The following NTM variants were observed in gnomAD, a reference collection of about 807,000 sequenced individuals.
NTM encodes neurotrimin.
In NTM, 13 loss-of-function variants were observed where a neutral mutation model predicts 42.1. The ratio of observed to expected loss-of-function variants is 0.31; its 90% confidence interval spans 0.20 to 0.49. The LOEUF (loss-of-function observed/expected upper bound fraction) is 0.49, where lower values mean the gene tolerates loss of function less well. Ranked by LOEUF, NTM falls within the 20% of genes least tolerant of loss-of-function variation. The pLI is 0.99. For synonymous variants in NTM, 187 were observed against 179.2 expected (o/e 1.04, Z -0.35); for missense variants, 373 against 452.8 (o/e 0.82, Z 1.60).
chr11:131,530,856 G>C (rs1218740441), intron 1 of NTM, among the ~76,000 whole-genome samples: 2 of 152,098 alleles, frequency 1.3e-5, no homozygotes, highest in Non-Finnish European at 2.9e-5. Flanking sequence ...TTACTTATCA[G>C]AAAAAAATAC....
At chr11:132,082,043 A>G (rs2059134962) in intron 2 of NTM, among the ~76,000 whole-genome samples, 1 of 144,880 alleles carries the variant, frequency 6.9e-6, no homozygotes, top group Non-Finnish European at 1.5e-5. Context: ...AAATTCATGG[A>G]AAAATGGAAT....
intron 1 of NTM, among the ~76,000 whole-genome samples, chr11:131,557,371 C>T (rs1032385446): frequency 6.6e-6 from 1 of 152,166 alleles, no homozygotes; most frequent in Admixed American, 6.5e-5. Context: ...AGACACTTGA[C>T]ATTTTGTACT....
chr11:131,758,896 G>A (rs1197618089), intron 1 of NTM, among the ~76,000 whole-genome samples: 1 of 152,036 alleles, frequency 6.6e-6, no homozygotes, highest in Non-Finnish European at 1.5e-5. Context: ...CCAGCCGTCT[G>A]CATATTTTCT....
At chr11:131,878,368 C>G (rs564878028) in intron 1 of NTM, among the ~76,000 whole-genome samples, 4 of 151,356 alleles carry the variant, frequency 2.6e-5, no homozygotes, top group Admixed American at 2.6e-4. Context: ...GTCAGGAGTT[C>G]GAGACCAGCC....
chr11:132,148,664 C>A (rs2071135757), intron 3 of NTM, among the ~76,000 whole-genome samples: 1 of 152,168 alleles, frequency 6.6e-6, no homozygotes, highest in African/African-American at 2.4e-5. Flanking sequence ...CTCACACACA[C>A]CCCCACACCC....
At chr11:131,392,104 G>C (rs933521434) in intron 1 of NTM, among the ~76,000 whole-genome samples, 23 of 152,238 alleles carry the variant, frequency 1.5e-4, no homozygotes. Context: ...GGCCTTTGTA[G>C]TTTGGTTAAT....
At chr11:131,905,831 G>A (rs527916401) in intron 1 of NTM, among the ~76,000 whole-genome samples, 13 of 152,208 alleles carry the variant, frequency 8.5e-5, no homozygotes, top group African/African-American at 3.1e-4. Context: ...GTCCTTCAGA[G>A]CACCCCACCC....
intron 2 of NTM, among the ~76,000 whole-genome samples, chr11:132,144,396 T>A (rs575901369): frequency 3.5e-4 from 53 of 152,340 alleles, no homozygotes; most frequent in African/African-American, 1.3e-3. Context: ...TTCACAACTT[T>A]GTTTATTTCC....
chr11:132,006,690 A>G (rs2070873100), intron 2 of NTM, among the ~76,000 whole-genome samples: 1 of 152,232 alleles, frequency 6.6e-6, no homozygotes, highest in Admixed American at 6.5e-5. Context: ...TGGTGTAATC[A>G]GGGATATAAC....
chr11:131,482,763 A>G (rs906002126), intron 1 of NTM, among the ~76,000 whole-genome samples: 4 of 152,210 alleles, frequency 2.6e-5, no homozygotes, highest in Non-Finnish European at 5.9e-5. Flanking sequence ...GAGTGGATAG[A>G]CAGAGACAGA....
Position 132,216,753 on chromosome 11 carries a change from G to T in NTM, c.526+4606G>T, listed in dbSNP as rs2083933436. Reference sequence around the variant, plus strand: ...GTTCAGTGAACAAGCACTGATATTTGCCAATGCCCCAAAGAGGCATGCCTG... The same window carrying T: ...GTTCAGTGAACAAGCACTGATATTTTCCAATGCCCCAAAGAGGCATGCCTG... On this transcript the variant is annotated intron_variant, in intron 4 of 8. Coordinates refer to ENST00000683400, the MANE Select transcript of NTM (RefSeq NM_001352005.2). Among the ~76,000 whole-genome samples the T allele has an allele frequency of 2.6e-5, 4 of 152,164 alleles. No homozygotes were observed. In the South Asian group the frequency reaches 8.3e-4, roughly 32 times the overall value.
intron 1 of NTM, among the ~76,000 whole-genome samples, chr11:131,504,222 C>T (rs1294704143): frequency 2.0e-5 from 3 of 152,228 alleles, no homozygotes; most frequent in Non-Finnish European, 2.9e-5. Flanking sequence ...CTGTCTCGCA[C>T]AGCGCATGCC....
intron 1 of NTM, among the ~76,000 whole-genome samples, chr11:131,811,164 G>C (rs925313902): frequency 4.6e-5 from 7 of 152,152 alleles, no homozygotes; most frequent in African/African-American, 1.7e-4. Context: ...TAGTGGTTAT[G>C]TGGCCAGTAT....
At chr11:131,977,472 C>T (rs2064579311) in intron 2 of NTM, among the ~76,000 whole-genome samples, 1 of 152,220 alleles carries the variant, frequency 6.6e-6, no homozygotes. Flanking sequence ...CTTCCTCAGC[C>T]CTAGGCAATA....
In NTM at chr11:131,752,685, C is replaced by A. The variant is rs538821035; in HGVS notation, c.83-158879C>A. Among the ~76,000 whole-genome samples the A allele has an allele frequency of 9.2e-5, 14 of 152,218 alleles. No individual in the cohort carries two copies. In the East Asian group the frequency reaches 1.2e-3, roughly 13 times the overall value. On this transcript the variant is annotated intron_variant, in intron 1 of 8. Transcript: ENST00000683400. ...CTGGATTAAGAAAATGTGGCACATA[C>A]ATATGTAGAAAGCTGAAACTGGATC...
intron 1 of NTM, among the ~76,000 whole-genome samples, chr11:131,489,871 T>C (rs985541497): frequency 2.0e-5 from 3 of 152,246 alleles, no homozygotes; most frequent in African/African-American, 7.2e-5. Flanking sequence ...TCTGTTGCTA[T>C]AAAGGAATAT....
intron 4 of NTM, chr11:132,284,381 A>C (rs897342163): frequency 6.6e-6 from 1 of 152,210 alleles, no homozygotes; most frequent in Non-Finnish European, 1.5e-5. Context: ...CTGTGTTTTC[A>C]CATGTCTTCC....
chr11:131,841,407 G>A (rs1236549061), intron 1 of NTM, among the ~76,000 whole-genome samples: 3 of 152,076 alleles, frequency 2.0e-5, no homozygotes, highest in Admixed American at 6.6e-5. Context: ...GAGCTACAAC[G>A]GCAAATAAGA....
chr11:131,873,626 T>C lies in NTM; in HGVS notation c.83-37938T>C, dbSNP rs112568966. On this transcript the variant is annotated intron_variant, in intron 1 of 8. Transcript: ENST00000683400. ...TATATATATACCGTATATATATACATATATATATACACATATATATATACA... is the reference window on the plus strand; with the variant it reads ...TATATATATACCGTATATATATACACATATATATACACATATATATATACA... Among the ~76,000 whole-genome samples, 131 of 83,674 alleles carry C rather than the reference T, an allele frequency of 1.6e-3. 6 individuals carry two copies. Among genetic ancestry groups the C allele is most frequent in the Admixed American group, 5.5e-3 (41 of 7,492 alleles). 54.9% of individuals were successfully genotyped at this position (83,674 alleles called of 152,430 possible).
Sources: gnomAD v4.1 joint callset for allele counts (sites outside exome capture counted in the v4.1 genomes callset) on GRCh38, gnomAD v4.1.1 for gene constraint, MANE v1.5 for transcripts, NCBI Gene and HGNC (gene_info 2026-07-23, HGNC 2026-07-21) for gene names.